The following CD276 variants were observed in gnomAD, a reference collection of about 807,000 sequenced individuals.
The protein encoded by CD276 is CD276 molecule.
In CD276, 34 loss-of-function variants were observed where a neutral mutation model predicts 50.0. The ratio of observed to expected loss-of-function variants is 0.68; its 90% CI spans 0.52 to 0.91. CD276 has a LOEUF of 0.91. Ranked by LOEUF, CD276 falls within the 40% of genes least tolerant of loss-of-function variation. The pLI, the probability that CD276 is intolerant of heterozygous loss-of-function variation, is 0.00. For synonymous variants in CD276, 275 were observed against 313.0 expected (o/e 0.88, Z 1.28); for missense variants, 634 against 717.5 (o/e 0.88, Z 1.33).
rs138193850 is a variant in CD276, at chr15:73,687,039, G to T, written c.-55+2579G>T. ...GAGGGCACACCCAGGGCCTAGGGGA[G>T]GGGGAGAGGGGTGAGGACTGGTCCA... On this transcript the variant is annotated intron_variant, in intron 1 of 9. Coordinates refer to ENST00000318443, the MANE Select transcript of CD276 (RefSeq NM_001024736.2). The surrounding 1 kb of genome is among the most constrained non-coding windows in gnomAD (Gnocchi z 4.0). 1.3e-5 allele frequency among the ~76,000 whole-genome samples: 2 copies of T among 152,138 alleles called. No homozygotes were observed. The highest frequency in any genetic ancestry group is 1.9e-4 in the East Asian group (1 of 5,190).
chr15:73,707,754 C>T (rs1211085347), intron 6 of CD276, among the ~76,000 whole-genome samples: 2 of 152,164 alleles, frequency 1.3e-5, no homozygotes, highest in East Asian at 3.8e-4. Flanking sequence ...GGCCACAAGC[C>T]AGCTTTGGCC....
rs538094184 is a variant in CD276, at chr15:73,703,559, G to C, written c.734-100G>C. The C allele has an allele frequency of 4.1e-5, 39 of 941,090 alleles. No homozygotes were observed. The African/African-American group carries it at 5.7e-4, about 14-fold the overall frequency. 58.3% of individuals were successfully genotyped at this position (941,090 alleles called of 1,614,324 possible). ...AAGAAGAAAATAGGAAGATGGAACA[G>C]GGTCTGGGAATTGATGGGGGAAGAG... On this transcript the variant is annotated intron_variant, in intron 4 of 9. Transcript: ENST00000318443.
At chr15:73,711,059 C>T in intron 8 of CD276, 76 bp from the exon 9 acceptor site, 2 of 1,503,876 alleles carry the variant, frequency 1.3e-6, no homozygotes, top group Non-Finnish European at 1.8e-6. Flanking sequence ...GCCCTCACTC[C>T]TCCCTCTGCC....
At chr15:73,712,048 G>C (rs959030587) in intron 9 of CD276, 5 of 150,684 alleles carry the variant, frequency 3.3e-5, no homozygotes, top group Non-Finnish European at 7.4e-5. Flanking sequence ...CCAGCTACTT[G>C]GGAAGCTGAG....
At position 73,708,224 on chromosome 15, in the gene CD276, AGT is replaced by A. The variant is rs1458472129; in HGVS notation, c.1370-112_1370-111del. 4 of 1,100,960 alleles carry A rather than the reference AGT, an allele frequency of 3.6e-6. No homozygotes were observed. The African/African-American group carries it at 6.3e-5, about 17-fold the overall frequency. The allele number at this position is 1,100,960 out of a possible 1,614,324, so 68.2% of individuals were successfully genotyped here. On this transcript the variant is annotated intron_variant, in intron 6 of 9. Coordinates refer to ENST00000318443, the MANE Select transcript of CD276 (RefSeq NM_001024736.2). The stretch of plus-strand genomic sequence containing the variant: ...AGGAACTTAAGTGAGCTTTATTCAT[AGT>A]GTTAGGGCCCAGTGAGGGTGGGAGC...
rs1223977580 is a variant in CD276, at chr15:73,702,242, C to T, written c.80-13C>T. On this transcript the variant is annotated splice_polypyrimidine_tract_variant and intron_variant, in intron 2 of 9. Transcript: ENST00000318443. ...AGTCCCCCTTATATGTTCTCCACTC[C>T]CCCTACCCCCAGGAGCCCTGGAGGT... The T allele has an allele frequency of 2.5e-6, 4 of 1,592,768 alleles. No individual in the cohort carries two copies. The highest frequency in any genetic ancestry group is 1.3e-5 in the African/African-American group (1 of 74,502).
rs924478925 is a variant in CD276, at chr15:73,702,244, C to G, written c.80-11C>G. On this transcript the variant is annotated splice_polypyrimidine_tract_variant and intron_variant, in intron 2 of 9. Coordinates refer to ENST00000318443, the MANE Select transcript of CD276 (RefSeq NM_001024736.2). Reference sequence around the variant, plus strand: ...TCCCCCTTATATGTTCTCCACTCCCCCTACCCCCAGGAGCCCTGGAGGTCC... The same window carrying G: ...TCCCCCTTATATGTTCTCCACTCCCGCTACCCCCAGGAGCCCTGGAGGTCC... 5 of 1,595,678 alleles carry G rather than the reference C, an allele frequency of 3.1e-6. No individual in the cohort carries two copies. The highest frequency in any genetic ancestry group is 4.3e-6 in the Non-Finnish European group (5 of 1,171,176).
At position 73,702,457 on chromosome 15, in the gene CD276, C is replaced by T. The variant is rs748208820; in HGVS notation, c.282C>T (p.Ala94=). The part of the protein sequence containing the change: ...DQGSAYANRT[A]LFPDLLAQGN... ...GCAGCGCCTATGCCAACCGCACGGCCCTCTTCCCGGACCTGCTGGCACAGG... is the reference window on the plus strand; with the variant it reads ...GCAGCGCCTATGCCAACCGCACGGCTCTCTTCCCGGACCTGCTGGCACAGG... The change falls in exon 3 of 10, where the codon GCC becomes GCT. Residue 94 remains alanine (A), a synonymous_variant. Coordinates refer to ENST00000318443, the MANE Select transcript of CD276 (RefSeq NM_001024736.2). 13 of 1,613,748 alleles carry T rather than the reference C, an allele frequency of 8.1e-6. No homozygotes were observed. Among genetic ancestry groups the T allele is most frequent in the Admixed American group, 6.7e-5 (4 of 60,028 alleles).
At chr15:73,696,169 G>A (rs1162219541) in intron 1 of CD276, among the ~76,000 whole-genome samples, 2 of 152,240 alleles carry the variant, frequency 1.3e-5, no homozygotes, top group Non-Finnish European at 2.9e-5. Context: ...GGAAGGAGAA[G>A]GACGAGGAGT....
chr15:73,708,791 C>T, intron 7 of CD276: 1 of 386,810 alleles, frequency 2.6e-6, no homozygotes, highest in Non-Finnish European at 4.9e-6. Context: ...GTAAGTCAGT[C>T]ACGTGTGTGT....
intron 1 of CD276, among the ~76,000 whole-genome samples, chr15:73,696,839 G>A (rs2141551340): frequency 6.6e-6 from 1 of 152,264 alleles, no homozygotes; most frequent in Non-Finnish European, 1.5e-5. Context: ...CCTGTCTTAG[G>A]TCCTAAGAGA....
intron 1 of CD276, chr15:73,690,594 A>T (rs1234051841): frequency 2.3e-6 from 1 of 435,882 alleles, no homozygotes; most frequent in Admixed American, 2.4e-5. Flanking sequence ...TACAGACAGT[A>T]TGGGGGCAGC....
At chr15:73,690,475 A>G (rs1899944143) in intron 1 of CD276, among the ~76,000 whole-genome samples, 1 of 152,200 alleles carries the variant, frequency 6.6e-6, no homozygotes, top group African/African-American at 2.4e-5. Context: ...AAAAAAGGTT[A>G]TTTGGCTTGT....
chr15:73,708,000 G>A (rs1900715033), intron 6 of CD276, among the ~76,000 whole-genome samples: 1 of 152,250 alleles, frequency 6.6e-6, no homozygotes, highest in South Asian at 2.1e-4. Context: ...AAACTTAGGG[G>A]AGGGTAAGCA....
rs1032948396 is a variant in CD276 at position 73,704,694 on chromosome 15, T to C, written c.1369+222T>C. 3.3e-5 allele frequency among the ~76,000 whole-genome samples: 5 copies of C among 152,234 alleles called. No homozygotes were observed. Among genetic ancestry groups the C allele is most frequent in the Admixed American group, 2.0e-4 (3 of 15,294 alleles). On this transcript the variant is annotated intron_variant, in intron 6 of 9. Transcript: ENST00000318443. This position sits in a 1 kb window ranked among gnomAD's most constrained non-coding sequence, Gnocchi z 4.1. Reference sequence around the variant, plus strand: ...CTAAGAGTGCTTTTCGTGGCACTTATGCTTCTTATGCAGAGGACAAGGTAC... The same window carrying C: ...CTAAGAGTGCTTTTCGTGGCACTTACGCTTCTTATGCAGAGGACAAGGTAC...
In CD276 at chr15:73,699,609, G is replaced by C; in HGVS notation, c.-31G>C. 1 of 1,611,086 alleles carries C rather than the reference G, an allele frequency of 6.2e-7. No homozygotes were observed. Among genetic ancestry groups the C allele is most frequent in the Non-Finnish European group, 8.5e-7 (1 of 1,179,120 alleles). On this transcript the variant is annotated 5_prime_UTR_variant, in exon 2 of 10. Coordinates refer to ENST00000318443, the MANE Select transcript of CD276 (RefSeq NM_001024736.2). The stretch of plus-strand genomic sequence containing the variant: ...AGGCAGGGGCAGCCTTCCACCACGG[G>C]GAGCCCAGCTGTCAGCCGCCTCACA...
intron 6 of CD276, among the ~76,000 whole-genome samples, chr15:73,706,634 T>A (rs1900663270): frequency 6.6e-6 from 1 of 152,220 alleles, no homozygotes; most frequent in Non-Finnish European, 1.5e-5. Flanking sequence ...TTTGGAGCCC[T>A]TGGCCTGTAT....
At chr15:73,701,249 T>G (rs750747957) in intron 2 of CD276, among the ~76,000 whole-genome samples, 17 of 152,026 alleles carry the variant, frequency 1.1e-4, no homozygotes, top group Non-Finnish European at 2.2e-4. Flanking sequence ...TCTTCTTCTC[T>G]ACTACCACCC....
In CD276 at chr15:73,703,545, A is replaced by T. The variant is rs947088470; in HGVS notation, c.734-114A>T. The T allele has an allele frequency of 3.0e-5, 25 of 838,328 alleles. No homozygotes were observed. The African/African-American group carries it at 4.1e-4, about 14-fold the overall frequency. 51.9% of individuals were successfully genotyped at this position (838,328 alleles called of 1,614,324 possible). A position where few individuals can be genotyped will look rare whatever the true frequency, so the allele number is the denominator to read the frequency against. On this transcript the variant is annotated intron_variant, in intron 4 of 9. Coordinates refer to ENST00000318443, the MANE Select transcript of CD276 (RefSeq NM_001024736.2). ...CTGCTTTTGCATCTAAGAAGAAAAT[A>T]GGAAGATGGAACAGGGTCTGGGAAT...
Sources: allele counts gnomAD v4.1 joint callset (sites outside exome capture counted in the v4.1 genomes callset), GRCh38; gene constraint gnomAD v4.1.1; non-coding constraint Gnocchi (gnomAD v3.1); transcripts MANE v1.5; gene names NCBI Gene and HGNC (gene_info 2026-07-23, HGNC 2026-07-21).